The following RASA2 variants were observed in gnomAD, a reference collection of about 807,000 sequenced individuals.
The protein encoded by RASA2 is ras GTPase-activating protein 2.
RASA2 carries 155 observed loss-of-function variants against 118.2 expected under a neutral mutation model. The observed-to-expected ratio is 1.31, with a 90% CI of 1.15 to 1.50. RASA2 has a LOEUF of 1.50. Among genes scored for constraint, RASA2 ranks in the 40% most tolerant of loss-of-function variants. The pLI, the probability that RASA2 is intolerant of heterozygous loss-of-function variation, is 0.00. For synonymous variants in RASA2, 353 were observed against 349.1 expected, an observed-to-expected ratio of 1.01 and a Z score of -0.12; for missense variants, 1,016 against 1,009.6, an observed-to-expected ratio of 1.01 and a Z score of -0.09.
At position 141,575,207 on chromosome 3, in the gene RASA2, T is replaced by A. The variant is rs115819234; in HGVS notation, c.1483+1140T>A. Among the ~76,000 whole-genome samples, 778 of 152,350 alleles carry A rather than the reference T, an allele frequency of 5.1e-3. 8 individuals carry two copies. Among genetic ancestry groups the A allele is most frequent in the African/African-American group, 0.018 (745 of 41,572 alleles). ...CATCTGAAGAGATTTTGCAGTTTTA[T>A]GTTCTTTTAAGCATGTGCTCACCCT... is the stretch of plus-strand genomic sequence containing the variant. On this transcript the variant is annotated intron_variant, in intron 14 of 23. Transcript: ENST00000286364.
chr3:141,489,295 A>T (rs909737547), intron 1 of RASA2, among the ~76,000 whole-genome samples: 1 of 152,180 alleles, frequency 6.6e-6, no homozygotes, highest in Non-Finnish European at 1.5e-5. Context: ...TCCTCCTTTT[A>T]AATGATGTAA....
intron 16 of RASA2, 106 bp downstream of exon 16, chr3:141,580,557 C>A: frequency 2.7e-6 from 1 of 367,678 alleles, no homozygotes; most frequent in Non-Finnish European, 4.7e-6. Flanking sequence ...ACAAAACATA[C>A]ACACACACAC....
chr3:141,509,285 C>T (rs1336145726), intron 1 of RASA2, among the ~76,000 whole-genome samples: 1 of 152,158 alleles, frequency 6.6e-6, no homozygotes, highest in Non-Finnish European at 1.5e-5. Flanking sequence ...ATAGATCTTA[C>T]ATTTTTATTT....
In RASA2 at chr3:141,515,085, A is replaced by G. The variant is rs188567054; in HGVS notation, c.252-1243A>G. Among the ~76,000 whole-genome samples the G allele has an allele frequency of 9.2e-5, 14 of 152,332 alleles. No homozygotes were observed. In the South Asian group the frequency reaches 2.7e-3, roughly 29 times the overall value. ...TGGGGTGGAAGCTACACAGTTGTAT[A>G]AATTTATCAGAAGTCATCAACCTCT... On this transcript the variant is annotated intron_variant, in intron 2 of 23. Transcript: ENST00000286364.
chr3:141,588,352 A>C (rs544529734), intron 19 of RASA2, among the ~76,000 whole-genome samples: 125 of 152,366 alleles, frequency 8.2e-4, no homozygotes, highest in African/African-American at 3.0e-3. Context: ...CAACAAACCC[A>C]ATGGATATAG....
At chr3:141,522,477 C>T (rs2082125863) in intron 3 of RASA2, among the ~76,000 whole-genome samples, 1 of 152,106 alleles carries the variant, frequency 6.6e-6, no homozygotes, top group South Asian at 2.1e-4. Context: ...GGGGCTGGTG[C>T]TCGGGAGGTG....
chr3:141,512,604 A>C (rs1403675724), intron 2 of RASA2, among the ~76,000 whole-genome samples: 1 of 152,220 alleles, frequency 6.6e-6, no homozygotes, highest in East Asian at 1.9e-4. Context: ...TTATCAGGGA[A>C]TGAATTCTCA....
At chr3:141,496,457 C>CA (rs1429099472) in intron 1 of RASA2, among the ~76,000 whole-genome samples, 1 of 152,072 alleles carries the variant, frequency 6.6e-6, no homozygotes, top group African/African-American at 2.4e-5. Flanking sequence ...ACAAAGAACT[C>CA]AAACAAATTT....
chr3:141,571,214 A>G (rs998284552), intron 10 of RASA2, 146 bp downstream of exon 10: 31 of 1,162,196 alleles, frequency 2.7e-5, no homozygotes, highest in East Asian at 5.2e-5. Context: ...ACACATTTCT[A>G]TTTATCTGAA....
In RASA2 at chr3:141,612,959, G is replaced by A. The variant is rs1162778829; in HGVS notation, c.*646G>A. The A allele has an allele frequency of 6.6e-6, 1 of 152,210 alleles. No homozygotes were observed. Among genetic ancestry groups the A allele is most frequent in the Admixed American group, 6.5e-5 (1 of 15,276 alleles). 9.4% of individuals were successfully genotyped at this position (152,210 alleles called of 1,614,324 possible). Reference sequence around the variant, plus strand: ...AAGGAATCAGGGAATATGTGCTATTGTGTGCATCTTGTTTACATTTGGGAT... The same window carrying A: ...AAGGAATCAGGGAATATGTGCTATTATGTGCATCTTGTTTACATTTGGGAT... On this transcript the variant is annotated 3_prime_UTR_variant, in exon 24 of 24. Coordinates refer to ENST00000286364, the MANE Select transcript of RASA2 (RefSeq NM_006506.5).
rs569399534 is a variant in RASA2, at chr3:141,614,329, A to T, written c.*2016A>T. Reference sequence around the variant, plus strand: ...ACTTTTAAACAGCCAGTTTGACTGGAATTAACCAACTTGGCACAGCCTAAA... The same window carrying T: ...ACTTTTAAACAGCCAGTTTGACTGGTATTAACCAACTTGGCACAGCCTAAA... On this transcript the variant is annotated 3_prime_UTR_variant, in exon 24 of 24. Transcript: ENST00000286364. The T allele has an allele frequency of 6.6e-6, 1 of 152,306 alleles. No individual in the cohort carries two copies. The highest frequency in any genetic ancestry group is 2.1e-4 in the South Asian group (1 of 4,832). The allele number at this position is 152,306 out of a possible 1,614,324, so 9.4% of individuals were successfully genotyped here.
intron 19 of RASA2, among the ~76,000 whole-genome samples, chr3:141,595,147 C>G (rs2083347053): frequency 6.6e-6 from 1 of 152,006 alleles, no homozygotes; most frequent in African/African-American, 2.4e-5. Context: ...CCCCTCTCCT[C>G]CTCCCAAACA....
intron 3 of RASA2, among the ~76,000 whole-genome samples, chr3:141,521,708 A>AG (rs1373021063): frequency 6.6e-6 from 1 of 152,126 alleles, no homozygotes; most frequent in African/African-American, 2.4e-5. Flanking sequence ...ACTTTTTCTT[A>AG]AATGTTTATT....
chr3:141,508,399 T>C (rs1029437317), intron 1 of RASA2, among the ~76,000 whole-genome samples: 2 of 151,948 alleles, frequency 1.3e-5, no homozygotes, highest in African/African-American at 4.8e-5. Context: ...CTTTCTTTAC[T>C]ATTGAGACAG....
intron 9 of RASA2, among the ~76,000 whole-genome samples, chr3:141,566,788 G>A (rs1292303641): frequency 6.6e-6 from 1 of 152,008 alleles, no homozygotes. Flanking sequence ...AGAGAAGATG[G>A]CAGCTTTTTT....
intron 19 of RASA2, among the ~76,000 whole-genome samples, chr3:141,589,851 A>AG (rs2083261924): frequency 6.6e-6 from 1 of 151,948 alleles, no homozygotes. Context: ...CAAAAAAAAA[A>AG]GAAAAAAAAA....
At chr3:141,556,952 G>A (rs2082658947) in intron 7 of RASA2, among the ~76,000 whole-genome samples, 1 of 152,082 alleles carries the variant, frequency 6.6e-6, no homozygotes, top group Non-Finnish European at 1.5e-5. Context: ...TCCTGGCTAA[G>A]GACTTGGTGC....
intron 5 of RASA2, among the ~76,000 whole-genome samples, chr3:141,549,002 C>A (rs1161583277): frequency 6.6e-6 from 1 of 152,138 alleles, no homozygotes; most frequent in African/African-American, 2.4e-5. Context: ...TTAAATTTAT[C>A]ATCACAGGCC....
At chr3:141,504,796 C>T (rs148184374) in intron 1 of RASA2, among the ~76,000 whole-genome samples, 99 of 152,266 alleles carry the variant, frequency 6.5e-4, no homozygotes, top group African/African-American at 2.3e-3. Context: ...TAACCTGTCT[C>T]CTCCCATACC....
Sources: gnomAD v4.1 joint callset for allele counts (sites outside exome capture counted in the v4.1 genomes callset) on GRCh38, gnomAD v4.1.1 for gene constraint, MANE v1.5 for transcripts, NCBI Gene and HGNC (gene_info 2026-07-23, HGNC 2026-07-21) for gene names.